Variants in ASTN2 observed in about 807,000 individuals in gnomAD.
The protein encoded by ASTN2 is astrotactin 2.
Under a neutral mutation model 139.8 loss-of-function variants are expected in ASTN2, and 54 were observed. That is an observed-to-expected ratio of 0.39 (90% confidence interval 0.31 to 0.48). The LOEUF (loss-of-function observed/expected upper bound fraction) is 0.48, where lower values mean the gene tolerates loss of function less well. ASTN2 is among the 20% of genes least tolerant of loss of function. ASTN2 has a pLI of 0.95. For synonymous variants in ASTN2, 756 were observed against 719.5 expected (o/e 1.05, Z -0.81); for missense variants, 1,565 against 1,725.1 (o/e 0.91, Z 1.64).
chr9:116,627,904 C>G (rs1856546660), intron 17 of ASTN2, among the ~76,000 whole-genome samples: 1 of 152,142 alleles, frequency 6.6e-6, no homozygotes, highest in Admixed American at 6.5e-5. Context: ...TAAATTTTCC[C>G]AACAACCTGT....
intron 19 of ASTN2, among the ~76,000 whole-genome samples, chr9:116,592,103 A>G (rs117824000): frequency 0.015 from 2,257 of 152,300 alleles, 26 homozygotes; most frequent in Middle Eastern, 0.048. Flanking sequence ...ATTTTAAATC[A>G]TCTCTAGATT....
At chr9:116,672,633 C>T (rs1859266215) in intron 16 of ASTN2, among the ~76,000 whole-genome samples, 2 of 152,210 alleles carry the variant, frequency 1.3e-5, no homozygotes, top group South Asian at 4.1e-4. Context: ...TCATCAAACA[C>T]TCACATTTCT....
At chr9:117,371,687 GC>G in intron 1 of ASTN2, among the ~76,000 whole-genome samples, 1 of 152,158 alleles carries the variant, frequency 6.6e-6, no homozygotes, top group East Asian at 1.9e-4. Context: ...AATACCTGAA[GC>G]ACTTAGTGTC....
At chr9:116,990,298 C>G (rs1346515818) in intron 7 of ASTN2, among the ~76,000 whole-genome samples, 2 of 152,122 alleles carry the variant, frequency 1.3e-5, no homozygotes, top group East Asian at 3.9e-4. Flanking sequence ...GACAAAGTCT[C>G]GCTCTGTCAC....
intron 1 of ASTN2, among the ~76,000 whole-genome samples, chr9:117,341,071 G>T (rs1277993248): frequency 6.6e-6 from 1 of 152,148 alleles, no homozygotes. Context: ...AGATATACAG[G>T]ATTGAATTAT....
intron 10 of ASTN2, among the ~76,000 whole-genome samples, chr9:116,932,654 G>T (rs1834935441): frequency 6.6e-6 from 1 of 152,056 alleles, no homozygotes; most frequent in Non-Finnish European, 1.5e-5. Context: ...GGAACCTGGA[G>T]TTCTGCATGG....
intron 2 of ASTN2, among the ~76,000 whole-genome samples, chr9:117,279,847 C>T (rs1470340229): frequency 6.6e-6 from 1 of 152,184 alleles, no homozygotes; most frequent in Non-Finnish European, 1.5e-5. Context: ...CTTGGTTTTC[C>T]TTGGCTTGGG....
intron 19 of ASTN2, among the ~76,000 whole-genome samples, chr9:116,597,814 CT>C (rs1403263320): frequency 2.0e-5 from 3 of 152,056 alleles, no homozygotes; most frequent in African/African-American, 7.3e-5. Flanking sequence ...TCTAAGAAGC[CT>C]TTGGAATCTT....
intron 10 of ASTN2, among the ~76,000 whole-genome samples, chr9:116,941,046 A>T (rs1175048430): frequency 2.0e-5 from 3 of 152,112 alleles, no homozygotes; most frequent in African/African-American, 7.2e-5. Context: ...ATGTACAGTA[A>T]CCTTTACCAT....
At chr9:116,430,704 A>G (rs776257731) in intron 22 of ASTN2, among the ~76,000 whole-genome samples, 7 of 152,256 alleles carry the variant, frequency 4.6e-5, no homozygotes, top group Non-Finnish European at 8.8e-5. Context: ...CAAGCAACCA[A>G]CACAAGACTT....
At chr9:116,633,921 C>G (rs935644789) in intron 17 of ASTN2, among the ~76,000 whole-genome samples, 2 of 152,118 alleles carry the variant, frequency 1.3e-5, no homozygotes, top group Non-Finnish European at 2.9e-5. Flanking sequence ...TTAAGGTAGT[C>G]ATATTTCTAT....
intron 13 of ASTN2, among the ~76,000 whole-genome samples, chr9:116,804,986 A>T (rs1055668950): frequency 2.0e-5 from 3 of 152,004 alleles, no homozygotes; most frequent in Admixed American, 6.6e-5. Context: ...AACAGTTTCA[A>T]CTGTCCAAAA....
At chr9:116,945,661 A>C (rs957482277) in intron 10 of ASTN2, among the ~76,000 whole-genome samples, 7 of 151,136 alleles carry the variant, frequency 4.6e-5, no homozygotes, top group Admixed American at 4.6e-4. Flanking sequence ...TCCTTCTATT[A>C]AACACAAGTT....
chr9:117,377,097 G>T (rs1158809075), intron 1 of ASTN2, among the ~76,000 whole-genome samples: 4 of 152,226 alleles, frequency 2.6e-5, no homozygotes, highest in Non-Finnish European at 5.9e-5. Context: ...AGGGAGTTCA[G>T]TGGTGGGCCT....
rs185296077 is a variant in ASTN2 at position 116,511,339 on chromosome 9, C to T, written c.3356-23839G>A. 3.3e-5 allele frequency among the ~76,000 whole-genome samples: 5 copies of T among 152,274 alleles called. No individual in the cohort carries two copies. In the South Asian group the frequency reaches 6.2e-4, roughly 19 times the overall value. ...TGCATATGTTGAACCAGCCTTGCAT[C>T]CCAGGGATGAAGCCCACTTGATCAT... is the stretch of plus-strand genomic sequence containing the variant. On this transcript the variant is annotated intron_variant, in intron 19 of 22. Transcript: ENST00000313400.
At chr9:116,537,922 A>G (rs1322755161) in intron 19 of ASTN2, among the ~76,000 whole-genome samples, 2 of 152,232 alleles carry the variant, frequency 1.3e-5, no homozygotes, top group South Asian at 2.1e-4. Context: ...AGTTATCACA[A>G]CAAACCTTCC....
chr9:117,254,059 G>A (rs1833614881), intron 2 of ASTN2, among the ~76,000 whole-genome samples: 1 of 152,136 alleles, frequency 6.6e-6, no homozygotes, highest in Admixed American at 6.6e-5. Context: ...TGAAGGTGAA[G>A]GTTCCAACGC....
intron 4 of ASTN2, among the ~76,000 whole-genome samples, chr9:117,102,721 C>T (rs1829010511): frequency 6.6e-6 from 1 of 151,970 alleles, no homozygotes; most frequent in African/African-American, 2.4e-5. Flanking sequence ...GGGGATTCAC[C>T]GTGTTGGCCA....
chr9:116,772,380 C>T (rs1481310168), intron 13 of ASTN2, among the ~76,000 whole-genome samples: 1 of 152,136 alleles, frequency 6.6e-6, no homozygotes, highest in African/African-American at 2.4e-5. Context: ...CCATGTAAGA[C>T]GTGCCTTTGC....
Sources: gnomAD v4.1 joint callset for allele counts (sites outside exome capture counted in the v4.1 genomes callset) on GRCh38, gnomAD v4.1.1 for gene constraint, MANE v1.5 for transcripts, NCBI Gene and HGNC (gene_info 2026-07-23, HGNC 2026-07-21) for gene names.